LDLRAD3: variants seen among roughly 807,000 people sequenced by gnomAD.
LDLRAD3 encodes low density lipoprotein receptor class A domain containing 3.
LDLRAD3 carries 20 observed loss-of-function variants against 29.4 expected under a neutral mutation model. The ratio of observed to expected loss-of-function variants is 0.68; its 90% CI spans 0.48 to 0.99. The LOEUF (loss-of-function observed/expected upper bound fraction) is 0.99, where lower values mean the gene tolerates loss of function less well. Ranked by LOEUF, LDLRAD3 falls within the 50% of genes least tolerant of loss-of-function variation. The pLI, the probability that LDLRAD3 is intolerant of heterozygous loss-of-function variation, is 0.00. For synonymous variants in LDLRAD3, 157 were observed against 192.7 expected (o/e 0.81, Z 1.53); for missense variants, 420 against 454.3 (o/e 0.92, Z 0.69).
At position 36,059,722 on chromosome 11, in the gene LDLRAD3, C is replaced by T. The variant is rs117006976; in HGVS notation, c.194-21931C>T. Among the ~76,000 whole-genome samples the T allele has an allele frequency of 3.7e-3, 564 of 152,276 alleles. 18 individuals are homozygous for T. In the East Asian group the frequency reaches 0.088, roughly 24 times the overall value. ...ACACCCAAACTACTTGTACGGTTGCCGACTATCACATCTCCGTACATCACC... is the reference window on the plus strand; with the variant it reads ...ACACCCAAACTACTTGTACGGTTGCTGACTATCACATCTCCGTACATCACC... On this transcript the variant is annotated intron_variant, in intron 2 of 5. Coordinates refer to ENST00000315571, the MANE Select transcript of LDLRAD3 (RefSeq NM_174902.4).
chr11:35,945,508 C>A (rs979160613), intron 1 of LDLRAD3, among the ~76,000 whole-genome samples: 8 of 152,164 alleles, frequency 5.3e-5, no homozygotes, highest in Admixed American at 5.2e-4. Flanking sequence ...GGTGAGAGTG[C>A]CCTTAAATTA....
chr11:36,229,632 A>C lies in LDLRAD3; in HGVS notation c.*235A>C. On this transcript the variant is annotated 3_prime_UTR_variant, in exon 6 of 6. Transcript: ENST00000315571. Reference sequence around the variant, plus strand: ...TCTGTCAGGTCACTCTTCCCTTGGGACCCGAGATCACACCCTCATTTTTCA... The same window carrying C: ...TCTGTCAGGTCACTCTTCCCTTGGGCCCCGAGATCACACCCTCATTTTTCA... The C allele has an allele frequency of 1.4e-5, 7 of 492,048 alleles. No homozygotes were observed. The highest frequency in any genetic ancestry group is 1.3e-4 in the South Asian group (3 of 23,958). The allele number at this position is 492,048 out of a possible 1,614,324, so 30.5% of individuals were successfully genotyped here.
At chr11:35,959,651 G>C (rs1273338677) in intron 1 of LDLRAD3, among the ~76,000 whole-genome samples, 1 of 152,146 alleles carries the variant, frequency 6.6e-6, no homozygotes, top group African/African-American at 2.4e-5. Context: ...GCTAGGTGTG[G>C]TGGCTCATAC....
At chr11:36,019,596 C>G (rs1852068035) in intron 1 of LDLRAD3, among the ~76,000 whole-genome samples, 1 of 152,194 alleles carries the variant, frequency 6.6e-6, no homozygotes, top group Non-Finnish European at 1.5e-5. Context: ...AAGCTTTCGA[C>G]TGAACCCCTT....
chr11:35,950,019 C>T (rs1851111224), intron 1 of LDLRAD3, among the ~76,000 whole-genome samples: 1 of 152,208 alleles, frequency 6.6e-6, no homozygotes, highest in Admixed American at 6.5e-5. Flanking sequence ...CGTCATTGTG[C>T]CATCATCTCT....
chr11:35,974,377 TC>T (rs1420048096), intron 1 of LDLRAD3, among the ~76,000 whole-genome samples: 2 of 152,148 alleles, frequency 1.3e-5, no homozygotes, highest in Non-Finnish European at 2.9e-5. Flanking sequence ...TGACTTGACC[TC>T]TCTTCTGTTG....
chr11:36,049,256 C>A (rs1196484377), intron 2 of LDLRAD3, among the ~76,000 whole-genome samples: 1 of 152,104 alleles, frequency 6.6e-6, no homozygotes, highest in Non-Finnish European at 1.5e-5. Context: ...TCTTGCTGAT[C>A]CAAGTTAGGG....
intron 4 of LDLRAD3, among the ~76,000 whole-genome samples, chr11:36,169,833 T>TG (rs1854568772): frequency 6.6e-6 from 1 of 152,210 alleles, no homozygotes; most frequent in Non-Finnish European, 1.5e-5. Context: ...TGTTGGATCA[T>TG]GGGGGTAAAT....
chr11:36,139,661 G>A (rs1854051823), intron 4 of LDLRAD3, among the ~76,000 whole-genome samples: 1 of 152,206 alleles, frequency 6.6e-6, no homozygotes, highest in Non-Finnish European at 1.5e-5. Flanking sequence ...GTCCAAACCT[G>A]TGCGCTTCCC....
chr11:36,141,036 C>CTCTCTCTCTCTCTCTCTCTCTCTCTCT (rs1491124137), intron 4 of LDLRAD3, among the ~76,000 whole-genome samples: 1 of 138,602 alleles, frequency 7.2e-6, no homozygotes, highest in African/African-American at 2.8e-5. Context: ...CTCTCTCTCT[C>CTCTCTCTCTCTCTCTCTCTCTCTCTCT]CGTGTGGGGG....
chr11:35,945,352 A>T (rs896997795), intron 1 of LDLRAD3, among the ~76,000 whole-genome samples: 1 of 152,226 alleles, frequency 6.6e-6, no homozygotes. Flanking sequence ...GCATCCTCAC[A>T]GCCCACTGGG....
intron 2 of LDLRAD3, among the ~76,000 whole-genome samples, chr11:36,068,150 G>A (rs7124427): frequency 0.2 from 30,186 of 152,024 alleles, 3,171 homozygotes; most frequent in Non-Finnish European, 0.24. Context: ...TTCTGTGTGT[G>A]GCATAAAGTG....
At chr11:36,160,303 T>A (rs537104772) in intron 4 of LDLRAD3, among the ~76,000 whole-genome samples, 1 of 152,214 alleles carries the variant, frequency 6.6e-6, no homozygotes, top group East Asian at 1.9e-4. Flanking sequence ...GCCCAGTGAA[T>A]CCTGGGGGAA....
intron 2 of LDLRAD3, 48 bp from the exon 3 acceptor site, chr11:36,081,605 A>T (rs200680087): frequency 7.3e-5 from 118 of 1,613,192 alleles, no homozygotes; most frequent in Non-Finnish European, 9.0e-5. Flanking sequence ...GTATGCAGTC[A>T]TCTGAGAACA....
At chr11:36,222,214 A>G (rs60759289) in intron 4 of LDLRAD3, among the ~76,000 whole-genome samples, 10,200 of 152,120 alleles carry the variant, frequency 0.067, 450 homozygotes, top group East Asian at 0.2. Flanking sequence ...GACTACAGGC[A>G]CATGCCACTA....
At chr11:36,055,735 G>C (rs1852608849) in intron 2 of LDLRAD3, among the ~76,000 whole-genome samples, 1 of 152,200 alleles carries the variant, frequency 6.6e-6, no homozygotes, top group Admixed American at 6.5e-5. Flanking sequence ...CTGTGGGTGA[G>C]CACTCTCGCT....
At chr11:36,089,048 C>T (rs1047107320) in intron 3 of LDLRAD3, among the ~76,000 whole-genome samples, 3 of 152,176 alleles carry the variant, frequency 2.0e-5, no homozygotes, top group Non-Finnish European at 4.4e-5. Context: ...ATATTTCCAG[C>T]GCCATGTATA....
At chr11:36,166,632 C>A (rs990673025) in intron 4 of LDLRAD3, among the ~76,000 whole-genome samples, 10 of 152,308 alleles carry the variant, frequency 6.6e-5, no homozygotes, top group Non-Finnish European at 1.0e-4. Context: ...AATTCTTCCT[C>A]TTTGACCCTT....
intron 4 of LDLRAD3, among the ~76,000 whole-genome samples, chr11:36,193,521 G>T (rs1318644753): frequency 6.6e-6 from 1 of 152,186 alleles, no homozygotes; most frequent in Non-Finnish European, 1.5e-5. Flanking sequence ...TTTGCACGCT[G>T]AGATGTGTGC....
Sources: allele counts gnomAD v4.1 joint callset (sites outside exome capture counted in the v4.1 genomes callset), GRCh38; gene constraint gnomAD v4.1.1; transcripts MANE v1.5; gene names NCBI Gene and HGNC (gene_info 2026-07-23, HGNC 2026-07-21).